NBAS: variants seen among roughly 807,000 people sequenced by gnomAD.
NBAS encodes the protein NAG/BC035112 fusion.
In NBAS, 219 loss-of-function variants were observed where a neutral mutation model predicts 302.5. The observed-to-expected ratio is 0.72, with a 90% CI of 0.65 to 0.81. The LOEUF (loss-of-function observed/expected upper bound fraction) is 0.81, where lower values mean the gene tolerates loss of function less well. Ranked by LOEUF, NBAS falls within the 30% of genes least tolerant of loss-of-function variation. NBAS has a pLI of 0.00. For synonymous variants in NBAS, 1,118 were observed against 1,021.6 expected (o/e 1.09, Z -1.80); for missense variants, 2,932 against 2,841.6 (o/e 1.03, Z -0.72).
At chr2:15,233,347 GA>G (rs376896359) in intron 46 of NBAS, among the ~76,000 whole-genome samples, 1 of 152,214 alleles carries the variant, frequency 6.6e-6, no homozygotes, top group East Asian at 1.9e-4. Context: ...ATTGGATGCA[GA>G]AAAAGATAAG....
chr2:14,878,526 GC>G, the NBAS span, among the ~76,000 whole-genome samples: 1 of 152,190 alleles, frequency 6.6e-6, no homozygotes, highest in Non-Finnish European at 1.5e-5. Flanking sequence ...TGAGTCATCA[GC>G]ATCCAATACT....
chr2:14,983,893 T>C, the NBAS span, among the ~76,000 whole-genome samples: 4 of 152,276 alleles, frequency 2.6e-5, no homozygotes, highest in East Asian at 7.7e-4. Context: ...CCAGTGCTCC[T>C]GGCAACACAG....
At chr2:15,537,741 TCTAACCA>T (rs1187123935) in intron 7 of NBAS, among the ~76,000 whole-genome samples, 1 of 152,144 alleles carries the variant, frequency 6.6e-6, no homozygotes, top group Non-Finnish European at 1.5e-5. Context: ...TAAGCCTGAG[TCTAACCA>T]CTTCTTTGAG....
chr2:15,173,356 G>C (rs1167059371), intron 51 of NBAS, among the ~76,000 whole-genome samples: 2 of 152,002 alleles, frequency 1.3e-5, no homozygotes, highest in Admixed American at 6.6e-5. Flanking sequence ...ACAATAATGA[G>C]GAAAGCTGAA....
chr2:15,439,822 C>A (rs1044117923), intron 21 of NBAS, among the ~76,000 whole-genome samples: 4 of 152,190 alleles, frequency 2.6e-5, no homozygotes, highest in Admixed American at 2.0e-4. Context: ...GCTTTTCCAA[C>A]AGGCTTAAAA....
the NBAS span, chr2:14,886,543 T>C: frequency 1.3e-5 from 2 of 152,210 alleles, no homozygotes; most frequent in Non-Finnish European, 2.9e-5. Context: ...TCCCCATCTC[T>C]ATAAATTGTA....
At chr2:15,247,603 CAA>C (rs1267347880) in intron 44 of NBAS, among the ~76,000 whole-genome samples, 14 of 151,644 alleles carry the variant, frequency 9.2e-5, no homozygotes, top group Admixed American at 3.9e-4. Context: ...CAACAAAGAT[CAA>C]AAGAGACAAA....
At position 15,467,750 on chromosome 2, in the gene NBAS, T is replaced by C. The variant is rs746063396; in HGVS notation, c.1932A>G (p.Ser644=). The C allele has an allele frequency of 2.0e-5, 32 of 1,602,830 alleles. No homozygotes were observed. The highest frequency in any genetic ancestry group is 2.7e-5 in the Non-Finnish European group (32 of 1,170,102). ...DIDSISYEEL[S]PPDEEPAKNK... ...TCTTGGCAGGCTCTTCATCAGGTGG[T>C]GAAAGCTCTTCATAGGAGATACTGT... The change falls in exon 18 of 52, where the codon TCA becomes TCG. Residue 644 remains serine, a synonymous_variant. Coordinates refer to ENST00000281513, the MANE Select transcript of NBAS (RefSeq NM_015909.4).
chr2:15,084,527 C>G, the NBAS span, among the ~76,000 whole-genome samples: 1 of 152,172 alleles, frequency 6.6e-6, no homozygotes. Flanking sequence ...ATTTTCCTGC[C>G]TCTGAATTAT....
At chr2:15,559,253 T>C (rs939297829) in intron 1 of NBAS, among the ~76,000 whole-genome samples, 1 of 152,092 alleles carries the variant, frequency 6.6e-6, no homozygotes, top group African/African-American at 2.4e-5. Context: ...ACCATACTGG[T>C]TGCCAGTTCA....
At chr2:15,085,879 G>A in the NBAS span, among the ~76,000 whole-genome samples, 1 of 152,192 alleles carries the variant, frequency 6.6e-6, no homozygotes, top group Non-Finnish European at 1.5e-5. Flanking sequence ...AAGTGTGGGG[G>A]AGGGTGAGGG....
At chr2:15,306,374 T>C (rs1019235144) in intron 40 of NBAS, among the ~76,000 whole-genome samples, 1 of 152,200 alleles carries the variant, frequency 6.6e-6, no homozygotes, top group Non-Finnish European at 1.5e-5. Context: ...CTTGTCCAAA[T>C]GCTGACATGA....
At chr2:15,219,917 C>T (rs2147889246) in intron 47 of NBAS, among the ~76,000 whole-genome samples, 1 of 148,194 alleles carries the variant, frequency 6.7e-6, no homozygotes, top group Non-Finnish European at 1.5e-5. Flanking sequence ...AGAAGCGCCC[C>T]TCACCTCCCG....
chr2:14,844,139 G>T, the NBAS span, among the ~76,000 whole-genome samples: 1 of 152,098 alleles, frequency 6.6e-6, no homozygotes, highest in Non-Finnish European at 1.5e-5. Context: ...CTACAAAGAA[G>T]ATACCTTTTT....
At chr2:14,928,758 A>G in the NBAS span, among the ~76,000 whole-genome samples, 1 of 152,168 alleles carries the variant, frequency 6.6e-6, no homozygotes, top group Non-Finnish European at 1.5e-5. Context: ...GAAAGGATCA[A>G]GGGGAAACAA....
chr2:15,196,595 A>G (rs1296438139), intron 48 of NBAS, among the ~76,000 whole-genome samples: 1 of 152,220 alleles, frequency 6.6e-6, no homozygotes, highest in Non-Finnish European at 1.5e-5. Flanking sequence ...AAAACAAACT[A>G]AATCATGATG....
intron 44 of NBAS, among the ~76,000 whole-genome samples, chr2:15,245,051 C>T (rs1572515960): frequency 6.6e-6 from 1 of 152,106 alleles, no homozygotes; most frequent in East Asian, 1.9e-4. Flanking sequence ...TTGTGCTAGG[C>T]CACTGTGACT....
At chr2:15,065,342 A>G in the NBAS span, among the ~76,000 whole-genome samples, 1 of 152,122 alleles carries the variant, frequency 6.6e-6, no homozygotes, top group East Asian at 1.9e-4. Context: ...ACCAGAAACA[A>G]AACAAGGATG....
At chr2:15,512,079 A>G (rs967835342) in intron 9 of NBAS, among the ~76,000 whole-genome samples, 2 of 152,216 alleles carry the variant, frequency 1.3e-5, no homozygotes, top group Non-Finnish European at 1.5e-5. Flanking sequence ...AGAAAGAAAA[A>G]AAGTCTGACA....
Sources: allele counts gnomAD v4.1 joint callset (sites outside exome capture counted in the v4.1 genomes callset), GRCh38; gene constraint gnomAD v4.1.1; transcripts MANE v1.5; gene names NCBI Gene and HGNC (gene_info 2026-07-23, HGNC 2026-07-21).